The following CD58 variants were observed in gnomAD, a reference collection of about 807,000 sequenced individuals.
CD58 encodes the protein CD58 molecule, also known as lymphocyte function-associated antigen 3.
CD58 carries 14 observed loss-of-function variants against 27.6 expected under a neutral mutation model. The ratio of observed to expected loss-of-function variants is 0.51; its 90% CI spans 0.34 to 0.79. The LOEUF (loss-of-function observed/expected upper bound fraction) is 0.79. Ranked by LOEUF, CD58 falls within the 30% of genes least tolerant of loss-of-function variation. The pLI, the probability that CD58 is intolerant of heterozygous loss-of-function variation, is 0.02. For missense variants in CD58, 268 were observed against 301.7 expected, an observed-to-expected ratio of 0.89 and a Z score of 0.83; for synonymous variants, 117 against 103.8, an observed-to-expected ratio of 1.13 and a Z score of -0.77.
intron 1 of CD58, among the ~76,000 whole-genome samples, chr1:116,561,347 C>T (rs188368650): frequency 1.2e-4 from 18 of 152,096 alleles, no homozygotes; most frequent in South Asian, 2.1e-4. Flanking sequence ...AATCTGAATA[C>T]GGGTAAAAGT....
intron 3 of CD58, among the ~76,000 whole-genome samples, chr1:116,529,233 G>A (rs1222682840): frequency 5.3e-5 from 8 of 152,034 alleles, no homozygotes; most frequent in Non-Finnish European, 1.2e-4. Context: ...CTATATTCAC[G>A]TGCTGCCATA....
chr1:116,567,761 A>C (rs920299302), intron 1 of CD58, among the ~76,000 whole-genome samples: 1 of 152,226 alleles, frequency 6.6e-6, no homozygotes, highest in Non-Finnish European at 1.5e-5. Flanking sequence ...AACATCACTT[A>C]ACACATCATT....
chr1:116,555,644 G>C (rs2101211933), intron 1 of CD58, among the ~76,000 whole-genome samples: 1 of 152,246 alleles, frequency 6.6e-6, no homozygotes, highest in Middle Eastern at 3.4e-3. Context: ...TCTAAAAACA[G>C]GTCTGATCTC....
At chr1:116,568,200 T>C (rs962182372) in intron 1 of CD58, among the ~76,000 whole-genome samples, 1 of 152,186 alleles carries the variant, frequency 6.6e-6, no homozygotes, top group Non-Finnish European at 1.5e-5. Context: ...TTCCAGATTA[T>C]GATGATTCTG....
chr1:116,542,404 G>A (rs971527234), intron 2 of CD58, among the ~76,000 whole-genome samples: 4 of 152,268 alleles, frequency 2.6e-5, no homozygotes, highest in African/African-American at 9.6e-5. Context: ...CATGGACTGA[G>A]AATGAACCAC....
chr1:116,551,148 T>C (rs1468315480), intron 1 of CD58, among the ~76,000 whole-genome samples: 1 of 152,174 alleles, frequency 6.6e-6, no homozygotes, highest in Non-Finnish European at 1.5e-5. Flanking sequence ...CAACTTAAAG[T>C]CATCAGCTGC....
chr1:116,533,518 A>C lies in CD58; in HGVS notation c.628+2447T>G, dbSNP rs182818029. 57 of 730,666 alleles carry C rather than the reference A, an allele frequency of 7.8e-5. 3 individuals carry two copies. In the Middle Eastern group the frequency reaches 1.4e-3, roughly 18 times the overall value. The allele number at this position is 730,666 out of a possible 1,614,324, so 45.3% of individuals were successfully genotyped here. ...TCCAGGGTCAGAAAACTTCACTTTA[A>C]TATCCTGCAGGTATTTCAAGATTGG... is the stretch of plus-strand genomic sequence containing the variant. On this transcript the variant is annotated intron_variant, in intron 3 of 5. Coordinates refer to ENST00000369489, the MANE Select transcript of CD58 (RefSeq NM_001779.3).
Position 116,521,772 on chromosome 1 carries a change from C to G in CD58, c.706+134G>C, listed in dbSNP as rs535688159. On this transcript the variant is annotated intron_variant, in intron 4 of 5. Coordinates refer to ENST00000369489, the MANE Select transcript of CD58 (RefSeq NM_001779.3). The surrounding 1 kb of genome is among the most constrained non-coding windows in gnomAD (Gnocchi z 5.6). ...CTAGCATGCTCAGCAGTCCCACACA[C>G]GTAAAGCAAAAAAGTTTTTGTTTCT... is the stretch of plus-strand genomic sequence containing the variant. 3 of 640,648 alleles carry G rather than the reference C, an allele frequency of 4.7e-6. No individual in the cohort carries two copies. Among genetic ancestry groups the G allele is most frequent in the Non-Finnish European group, 5.7e-6 (2 of 349,504 alleles). 39.7% of individuals were successfully genotyped at this position (640,648 alleles called of 1,614,324 possible).
intron 1 of CD58, among the ~76,000 whole-genome samples, chr1:116,565,056 T>G (rs1379660070): frequency 6.6e-6 from 1 of 152,168 alleles, no homozygotes; most frequent in Non-Finnish European, 1.5e-5. Flanking sequence ...CCCCCAGTGA[T>G]TCCTTTCCTG....
chr1:116,521,913 A>G lies in CD58; in HGVS notation c.699T>C (p.Tyr233=). Residue 233 remains tyrosine (Y), a synonymous_variant, in exon 4 of 6, where the codon TAT becomes TAC. Transcript: ENST00000369489. This position sits in a 1 kb window ranked among gnomAD's most constrained non-coding sequence, Gnocchi z 5.6. ...LAVITTCIVL[Y]MNGILKCDRK... is the part of the protein sequence containing the mutation. ...TTTAAAAAGCATACATACCATTCAT[A>G]TACAGCACAATACATGTTGTAATTA... The G allele has an allele frequency of 6.6e-7, 1 of 1,525,838 alleles. No homozygotes were observed. Among genetic ancestry groups the G allele is most frequent in the Non-Finnish European group, 9.1e-7 (1 of 1,102,432 alleles). The allele number at this position is 1,525,838 out of a possible 1,614,324, so 94.5% of individuals were successfully genotyped here. A position where few individuals can be genotyped will look rare whatever the true frequency, so the allele number is the denominator to read the frequency against.
chr1:116,540,897 C>T (rs1657968534), intron 2 of CD58, among the ~76,000 whole-genome samples: 2 of 152,180 alleles, frequency 1.3e-5, no homozygotes, highest in South Asian at 4.1e-4. Flanking sequence ...GCAGCCTCAG[C>T]CTCCTGGGCT....
In CD58 at chr1:116,517,393, C is replaced by T. The variant is rs1414847844; in HGVS notation, c.743+1838G>A. On this transcript the variant is annotated intron_variant, in intron 5 of 5. Coordinates refer to ENST00000369489, the MANE Select transcript of CD58 (RefSeq NM_001779.3). The surrounding 1 kb of genome is among the most constrained non-coding windows in gnomAD (Gnocchi z 6.5). Reference sequence around the variant, plus strand: ...CCCCTTGTACTTCCTTGCCCCCAGGCCTCCTGCCACAGCTTGTTTCTCCTG... The same window carrying T: ...CCCCTTGTACTTCCTTGCCCCCAGGTCTCCTGCCACAGCTTGTTTCTCCTG... Among the ~76,000 whole-genome samples, 1 of 152,136 alleles carries T rather than the reference C, an allele frequency of 6.6e-6. No homozygotes were observed. Among genetic ancestry groups the T allele is most frequent in the African/African-American group, 2.4e-5 (1 of 41,424 alleles).
At position 116,570,861 on chromosome 1, in the gene CD58, C is replaced by T; in HGVS notation, c.70+42G>A. Reference sequence around the variant, plus strand: ...CACCCAGCCTGGGTGCTGCCCAGTACCCGCCGGCCGGCGCGGGGCCCCTGG... The same window carrying T: ...CACCCAGCCTGGGTGCTGCCCAGTATCCGCCGGCCGGCGCGGGGCCCCTGG... On this transcript the variant is annotated intron_variant, in intron 1 of 5. Transcript: ENST00000369489. The surrounding 1 kb of genome is among the most constrained non-coding windows in gnomAD (Gnocchi z 6.4). 2 of 1,504,770 alleles carry T rather than the reference C, an allele frequency of 1.3e-6. No homozygotes were observed. Among genetic ancestry groups the T allele is most frequent in the South Asian group, 1.2e-5 (1 of 82,348 alleles). 93.2% of individuals were successfully genotyped at this position (1,504,770 alleles called of 1,614,324 possible). A position where few individuals can be genotyped will look rare whatever the true frequency, so the allele number is the denominator to read the frequency against.
rs760809893 is a variant in CD58, at chr1:116,519,747, C to T, written c.707-480G>A. 1.3e-5 allele frequency among the ~76,000 whole-genome samples: 2 copies of T among 152,034 alleles called. No homozygotes were observed. The highest frequency in any genetic ancestry group is 4.1e-4 in the South Asian group (2 of 4,834). The stretch of plus-strand genomic sequence containing the variant: ...ATTTTTTAATGAGATATTTTATATT[C>T]TTTCACACACGGTCTTAGAAACATA... On this transcript the variant is annotated intron_variant, in intron 4 of 5. Coordinates refer to ENST00000369489, the MANE Select transcript of CD58 (RefSeq NM_001779.3). The surrounding 1 kb of genome is among the most constrained non-coding windows in gnomAD (Gnocchi z 4.7).
chr1:116,533,905 A>C, intron 3 of CD58: 1 of 1,299,710 alleles, frequency 7.7e-7, no homozygotes, highest in Non-Finnish European at 1.1e-6. Context: ...TCTTCTTTTT[A>C]CTGCTTTAGG....
At chr1:116,558,008 C>T (rs897064071) in intron 1 of CD58, among the ~76,000 whole-genome samples, 1 of 151,942 alleles carries the variant, frequency 6.6e-6, no homozygotes, top group Non-Finnish European at 1.5e-5. Flanking sequence ...AATCACTCTT[C>T]CGGGATTTGA....
chr1:116,517,513 A>G lies in CD58; in HGVS notation c.743+1718T>C, dbSNP rs1657118580. ...CCCTTGCTGCTGCTTAGCCACCCTCACTTCATCCCTGCACTGACCACAGCA... is the reference window on the plus strand; with the variant it reads ...CCCTTGCTGCTGCTTAGCCACCCTCGCTTCATCCCTGCACTGACCACAGCA... On this transcript the variant is annotated intron_variant, in intron 5 of 5. Coordinates refer to ENST00000369489, the MANE Select transcript of CD58 (RefSeq NM_001779.3). The surrounding 1 kb of genome is among the most constrained non-coding windows in gnomAD (Gnocchi z 6.5). Among the ~76,000 whole-genome samples, 1 of 151,836 alleles carries G rather than the reference A, an allele frequency of 6.6e-6. No homozygotes were observed. Among genetic ancestry groups the G allele is most frequent in the Non-Finnish European group, 1.5e-5 (1 of 67,950 alleles).
Position 116,527,026 on chromosome 1 carries a change from T to C in CD58, c.629-5043A>G, listed in dbSNP as rs147221798. On this transcript the variant is annotated intron_variant, in intron 3 of 5. Coordinates refer to ENST00000369489, the MANE Select transcript of CD58 (RefSeq NM_001779.3). The surrounding 1 kb of genome is among the most constrained non-coding windows in gnomAD (Gnocchi z 4.4). ...GTGATTGACTTTTGTATATTAACTT[T>C]GTATCCTACAAATGTGCTATAGTTT... Among the ~76,000 whole-genome samples the C allele has an allele frequency of 6.6e-6, 1 of 152,374 alleles. No individual in the cohort carries two copies. The highest frequency in any genetic ancestry group is 2.4e-5 in the African/African-American group (1 of 41,590).
In CD58 at chr1:116,519,902, G is replaced by C. The variant is rs761954703; in HGVS notation, c.707-635C>G. Among the ~76,000 whole-genome samples, 33 of 152,108 alleles carry C rather than the reference G, an allele frequency of 2.2e-4. No homozygotes were observed. Among genetic ancestry groups the C allele is most frequent in the Non-Finnish European group, 4.0e-4 (27 of 68,010 alleles). On this transcript the variant is annotated intron_variant, in intron 4 of 5. Transcript: ENST00000369489. The surrounding 1 kb of genome is among the most constrained non-coding windows in gnomAD (Gnocchi z 4.7). Reference sequence around the variant, plus strand: ...CCACACATGCATGCATCACTTTCCTGCCCACAGTAGGCATCCGCCTGACCC... The same window carrying C: ...CCACACATGCATGCATCACTTTCCTCCCCACAGTAGGCATCCGCCTGACCC...
Sources: allele counts gnomAD v4.1 joint callset (sites outside exome capture counted in the v4.1 genomes callset), GRCh38; gene constraint gnomAD v4.1.1; non-coding constraint Gnocchi (gnomAD v3.1); transcripts MANE v1.5; gene names NCBI Gene and HGNC (gene_info 2026-07-23, HGNC 2026-07-21).